Variants in ITGA2 observed in about 807,000 individuals in gnomAD.
ITGA2 encodes the protein integrin subunit alpha 2, also known as integrin alpha-2.
In ITGA2, 101 loss-of-function variants were observed where a neutral mutation model predicts 146.3. That is an observed-to-expected ratio of 0.69 (90% confidence interval 0.59 to 0.81). ITGA2 has a LOEUF of 0.81. Among genes scored for constraint, ITGA2 ranks in the 40% least tolerant of loss-of-function variants. The pLI is 0.00. For missense variants in ITGA2, 1,281 were observed against 1,402.7 expected (o/e 0.91, Z 1.39); for synonymous variants, 477 against 487.1 (o/e 0.98, Z 0.27).
chr5:53,069,315 G>T (rs927260099), intron 16 of ITGA2, among the ~76,000 whole-genome samples: 1 of 151,630 alleles, frequency 6.6e-6, no homozygotes, highest in Admixed American at 6.6e-5. Context: ...TTCATGAGTT[G>T]GTATTAGGAA....
intron 28 of ITGA2, chr5:53,089,370 G>A (rs1237395197): frequency 6.5e-6 from 1 of 153,270 alleles, no homozygotes; most frequent in Non-Finnish European, 1.5e-5. Flanking sequence ...GCATCTCAAA[G>A]ATTGCCAGGA....
At chr5:53,055,454 T>C in intron 7 of ITGA2, 84 bp from the exon 8 acceptor site, 1 of 1,249,482 alleles carries the variant, frequency 8.0e-7, no homozygotes, top group Non-Finnish European at 1.2e-6. Context: ...AGAAGCTAGT[T>C]TCATGTTTCT....
intron 15 of ITGA2, 101 bp downstream of exon 15, chr5:53,066,078 A>G (rs1745137840): frequency 3.6e-6 from 4 of 1,105,052 alleles, no homozygotes; most frequent in African/African-American, 1.5e-5. Context: ...CATGCATTCT[A>G]TAAGACTATA....
chr5:53,022,589 G>A (rs1022778527), intron 1 of ITGA2, among the ~76,000 whole-genome samples: 1 of 152,026 alleles, frequency 6.6e-6, no homozygotes, highest in Non-Finnish European at 1.5e-5. Flanking sequence ...GTTTGATTTA[G>A]AGACAGAGTC....
At chr5:53,044,939 T>C in intron 3 of ITGA2, 62 bp from the exon 4 acceptor site, 1 of 1,217,476 alleles carries the variant, frequency 8.2e-7, no homozygotes, top group Non-Finnish European at 1.2e-6. Context: ...TGTTTTCTTT[T>C]AATATCTTTA....
chr5:52,999,877 G>A (rs184593279), intron 1 of ITGA2, among the ~76,000 whole-genome samples: 1 of 152,256 alleles, frequency 6.6e-6, no homozygotes, highest in East Asian at 1.9e-4. Context: ...AAAATGTTGT[G>A]TAAGCACAAC....
At chr5:53,004,064 T>G (rs1167607499) in intron 1 of ITGA2, among the ~76,000 whole-genome samples, 1 of 152,078 alleles carries the variant, frequency 6.6e-6, no homozygotes, top group Non-Finnish European at 1.5e-5. Flanking sequence ...TTGTAGGATA[T>G]TGATCATCAG....
At chr5:53,035,491 C>T (rs1392662142) in intron 2 of ITGA2, among the ~76,000 whole-genome samples, 2 of 152,136 alleles carry the variant, frequency 1.3e-5, no homozygotes, top group African/African-American at 2.4e-5. Context: ...ACTGAGGAGA[C>T]AATGTGGAAG....
intron 11 of ITGA2, 139 bp from the exon 12 acceptor site, chr5:53,060,762 C>T: frequency 1.3e-6 from 1 of 795,656 alleles, no homozygotes; most frequent in Non-Finnish European, 2.2e-6. Context: ...GACATGTCCT[C>T]AGTGATGTAT....
chr5:53,042,266 C>A, intron 3 of ITGA2, 45 bp downstream of exon 3: 1 of 1,151,120 alleles, frequency 8.7e-7, no homozygotes, highest in South Asian at 1.2e-5. Context: ...GTCTTAGACT[C>A]AACTGAAAAA....
intron 17 of ITGA2, 135 bp from the exon 18 acceptor site, chr5:53,071,803 A>G (rs1206719890): frequency 7.0e-6 from 5 of 715,228 alleles, no homozygotes; most frequent in Non-Finnish European, 1.3e-5. Context: ...CACAACAAAG[A>G]TATTCTACAT....
intron 24 of ITGA2, among the ~76,000 whole-genome samples, chr5:53,080,241 T>C (rs1745852810): frequency 6.6e-6 from 1 of 152,156 alleles, no homozygotes; most frequent in Non-Finnish European, 1.5e-5. Context: ...ATTGGCGCAC[T>C]AAGCATGTGG....
chr5:52,998,345 T>C (rs1471134423), intron 1 of ITGA2, among the ~76,000 whole-genome samples: 1 of 152,066 alleles, frequency 6.6e-6, no homozygotes. Flanking sequence ...TCCCAGCTAC[T>C]CGAGAGGCTG....
chr5:53,040,861 T>A (rs1743758815), intron 2 of ITGA2, among the ~76,000 whole-genome samples: 1 of 152,314 alleles, frequency 6.6e-6, no homozygotes, highest in South Asian at 2.1e-4. Context: ...GTGTCCATTT[T>A]TGTAACCTTG....
rs533268629 is a variant in ITGA2 at position 53,066,981 on chromosome 5, T to C, written c.1944-137T>C. ...TGCCATCTTAGAGCTTTCAAATATA[T>C]ACTACTGCTAAAGTGCTTTGATAGA... On this transcript the variant is annotated intron_variant, in intron 15 of 29. Transcript: ENST00000296585. 4.9e-6 allele frequency: 4 copies of C among 817,326 alleles called. No individual in the cohort carries two copies. The Admixed American group carries it at 8.8e-5, about 18-fold the overall frequency. The allele number at this position is 817,326 out of a possible 1,614,324, so 50.6% of individuals were successfully genotyped here.
chr5:53,081,398 T>G (rs913866107), intron 25 of ITGA2, among the ~76,000 whole-genome samples, 194 bp from the exon 26 acceptor site: 1 of 152,180 alleles, frequency 6.6e-6, no homozygotes, highest in African/African-American at 2.4e-5. Flanking sequence ...CCTCATCAGT[T>G]CACATCAGGA....
chr5:53,070,985 T>G (rs1445398800), intron 17 of ITGA2, among the ~76,000 whole-genome samples: 1 of 151,872 alleles, frequency 6.6e-6, no homozygotes, highest in African/African-American at 2.4e-5. Context: ...GAAATGTATA[T>G]TCTGGGTTCT....
chr5:53,077,453 T>G (rs139403447), intron 23 of ITGA2, among the ~76,000 whole-genome samples: 1 of 152,060 alleles, frequency 6.6e-6, no homozygotes, highest in African/African-American at 2.4e-5. Context: ...AGTATAGATA[T>G]TTACTATTAT....
At chr5:52,994,766 T>TA (rs1175537718) in intron 1 of ITGA2, among the ~76,000 whole-genome samples, 1 of 152,224 alleles carries the variant, frequency 6.6e-6, no homozygotes, top group Non-Finnish European at 1.5e-5. Context: ...TCATTTTCTA[T>TA]AACTTAGAGA....
Sources: allele counts gnomAD v4.1 joint callset (sites outside exome capture counted in the v4.1 genomes callset), GRCh38; gene constraint gnomAD v4.1.1; transcripts MANE v1.5; gene names NCBI Gene and HGNC (gene_info 2026-07-23, HGNC 2026-07-21).